FLT1: variants seen among roughly 807,000 people sequenced by gnomAD.
FLT1 encodes vascular endothelial growth factor receptor 1.
In FLT1, 49 loss-of-function variants were observed where a neutral mutation model predicts 156.3. That is an observed-to-expected ratio of 0.31 (90% CI 0.25 to 0.40). The LOEUF is 0.40. FLT1 is among the 10% of genes least tolerant of loss of function. FLT1 has a pLI of 1.00. For missense variants in FLT1, 1,322 were observed against 1,637.2 expected, an observed-to-expected ratio of 0.81 and a Z score of 3.32; for synonymous variants, 594 against 583.8, an observed-to-expected ratio of 1.02 and a Z score of -0.25.
In FLT1 at chr13:28,473,671, A is replaced by AAG. The variant is rs1227557664; in HGVS notation, c.65-6056_65-6055dup. 7.2e-3 allele frequency among the ~76,000 whole-genome samples: 849 copies of AAG among 118,340 alleles called. 10 individuals are homozygous for AAG. Among genetic ancestry groups the AAG allele is most frequent in the East Asian group, 0.013 (57 of 4,388 alleles). 77.6% of individuals were successfully genotyped at this position (118,340 alleles called of 152,430 possible). ...AAAGAAAGAAAGAAAGAAAGAAAGA[A>AAG]AGAGAGAGAGAGAGAGAGAGAGAAA... is the stretch of plus-strand genomic sequence containing the variant. On this transcript the variant is annotated intron_variant, in intron 1 of 29. Transcript: ENST00000282397.
chr13:28,329,768 T>G lies in FLT1; in HGVS notation c.2594-40A>C, dbSNP rs751953822. The G allele has an allele frequency of 6.6e-6, 10 of 1,519,428 alleles. No individual in the cohort carries two copies. In the Admixed American group the frequency reaches 6.8e-5, roughly 10 times the overall value. 94.1% of individuals were successfully genotyped at this position (1,519,428 alleles called of 1,614,324 possible). ...AGGAAGAGTCAGGGCGACAGGACAATGGGGCTCCTTCCGCCGGAGGCGGCA... is the reference window on the plus strand; with the variant it reads ...AGGAAGAGTCAGGGCGACAGGACAAGGGGGCTCCTTCCGCCGGAGGCGGCA... On this transcript the variant is annotated intron_variant, in intron 18 of 29. Coordinates refer to ENST00000282397, the MANE Select transcript of FLT1 (RefSeq NM_002019.4).
chr13:28,494,612 G>C (rs1238038026), intron 1 of FLT1, among the ~76,000 whole-genome samples, 168 bp downstream of exon 1: 1 of 152,144 alleles, frequency 6.6e-6, no homozygotes, highest in Admixed American at 6.5e-5. Context: ...GGGCGCAGCG[G>C]CCCCAAGCGT....
In FLT1 at chr13:28,412,381, T is replaced by TTTCCTTCC. The variant is rs771570277; in HGVS notation, c.1437-6488_1437-6487insGGAAGGAA. 4.0e-3 allele frequency among the ~76,000 whole-genome samples: 355 copies of TTTCCTTCC among 88,288 alleles called. 10 individuals are homozygous for TTTCCTTCC. Among genetic ancestry groups the TTTCCTTCC allele is most frequent in the African/African-American group, 0.013 (341 of 26,528 alleles). 57.9% of individuals were successfully genotyped at this position (88,288 alleles called of 152,430 possible). On this transcript the variant is annotated intron_variant, in intron 10 of 29. Transcript: ENST00000282397. ...CTTTCTTTCTTTCTTTCTTTCTTTCTTTCTTTCTTTCTTTCTTTCTTTCTT... is the reference window on the plus strand; with the variant it reads ...CTTTCTTTCTTTCTTTCTTTCTTTCTTTCCTTCCTTCTTTCTTTCTTTCTTTCTTTCTT...
chr13:28,406,912 G>A (rs1875838252), intron 10 of FLT1, among the ~76,000 whole-genome samples: 1 of 152,204 alleles, frequency 6.6e-6, no homozygotes, highest in African/African-American at 2.4e-5. Context: ...GGGGAAGACA[G>A]AAGGGAATGT....
chr13:28,452,711 C>T (rs947785008), intron 3 of FLT1, among the ~76,000 whole-genome samples: 1 of 152,080 alleles, frequency 6.6e-6, no homozygotes, highest in African/African-American at 2.4e-5. Flanking sequence ...GAGACTGTCA[C>T]TCATGTCTCC....
intron 14 of FLT1, among the ~76,000 whole-genome samples, chr13:28,373,177 TG>T (rs1190256056): frequency 2.2e-4 from 34 of 152,008 alleles, no homozygotes; most frequent in Admixed American, 2.2e-3. Context: ...CGTGTGGAGG[TG>T]GGGGAGGGAA....
At chr13:28,370,229 C>T (rs1043445619) in intron 14 of FLT1, among the ~76,000 whole-genome samples, 10 of 151,910 alleles carry the variant, frequency 6.6e-5, no homozygotes, top group Admixed American at 2.0e-4. Flanking sequence ...TCACTGTAAC[C>T]TCTGAATAAG....
At chr13:28,335,359 C>A (rs889558529) in intron 17 of FLT1, among the ~76,000 whole-genome samples, 1 of 152,134 alleles carries the variant, frequency 6.6e-6, no homozygotes, top group Non-Finnish European at 1.5e-5. Context: ...TTCTTAGACC[C>A]GTCTGATAAT....
At chr13:28,392,355 C>T (rs1593738643) in intron 12 of FLT1, among the ~76,000 whole-genome samples, 1 of 152,180 alleles carries the variant, frequency 6.6e-6, no homozygotes, top group South Asian at 2.1e-4. Context: ...GAAATAGTTG[C>T]TCTAATTCAG....
At chr13:28,318,914 T>C (rs1871319505) in intron 24 of FLT1, among the ~76,000 whole-genome samples, 1 of 152,206 alleles carries the variant, frequency 6.6e-6, no homozygotes, top group African/African-American at 2.4e-5. Context: ...TTGCTTATCC[T>C]GTATAAACCA....
rs185843560 is a variant in FLT1 at position 28,457,957 on chromosome 13, T to C, written c.388+8946A>G. On this transcript the variant is annotated intron_variant, in intron 3 of 29. Coordinates refer to ENST00000282397, the MANE Select transcript of FLT1 (RefSeq NM_002019.4). ...TCTTTTTTTTTTTTTTTTTTTGTGA[T>C]GGAGTCTTGCTCTATCGCCCAGGCT... 8.7e-3 allele frequency among the ~76,000 whole-genome samples: 1,237 copies of C among 141,440 alleles called. 24 individuals carry two copies. The highest frequency in any genetic ancestry group is 0.031 in the African/African-American group (1,159 of 37,534). The allele number at this position is 141,440 out of a possible 152,430, so 92.8% of individuals were successfully genotyped here. A position where few individuals can be genotyped will look rare whatever the true frequency, so the allele number is the denominator to read the frequency against.
chr13:28,404,463 A>G (rs1420384015), intron 11 of FLT1, among the ~76,000 whole-genome samples: 1 of 152,264 alleles, frequency 6.6e-6, no homozygotes, highest in Non-Finnish European at 1.5e-5. Flanking sequence ...CCAAAGAATG[A>G]TGGTGACATT....
intron 3 of FLT1, among the ~76,000 whole-genome samples, chr13:28,453,199 C>T (rs1237807053): frequency 6.7e-6 from 1 of 150,358 alleles, no homozygotes; most frequent in Non-Finnish European, 1.5e-5. Context: ...TCTCAGCTCA[C>T]TGCAAGCTTT....
intron 20 of FLT1, among the ~76,000 whole-genome samples, chr13:28,326,671 G>A (rs563614131): frequency 2.6e-5 from 4 of 151,794 alleles, no homozygotes; most frequent in East Asian, 3.9e-4. Flanking sequence ...GATTACAGGC[G>A]CGGGCCACCA....
At chr13:28,476,900 G>A (rs1458523969) in intron 1 of FLT1, among the ~76,000 whole-genome samples, 4 of 149,144 alleles carry the variant, frequency 2.7e-5, no homozygotes, top group African/African-American at 5.2e-5. Context: ...CTCATAGATA[G>A]GTTTTGTAGC....
intron 3 of FLT1, among the ~76,000 whole-genome samples, chr13:28,454,295 G>A (rs955734667): frequency 1.3e-5 from 2 of 152,074 alleles, no homozygotes; most frequent in Non-Finnish European, 2.9e-5. Context: ...TCTCCTAATA[G>A]CCCCTGAAGT....
chr13:28,447,511 C>A (rs79528420), intron 3 of FLT1, among the ~76,000 whole-genome samples: 2,741 of 152,042 alleles, frequency 0.018, 88 homozygotes, highest in African/African-American at 0.063. Context: ...CAGAAGAAAC[C>A]AGAGGTAAAT....
intron 3 of FLT1, among the ~76,000 whole-genome samples, chr13:28,444,251 G>A (rs1202925222): frequency 6.6e-6 from 1 of 152,134 alleles, no homozygotes; most frequent in Non-Finnish European, 1.5e-5. Flanking sequence ...AGACCAGCCT[G>A]GTCAACATGG....
chr13:28,397,374 G>A (rs1019645321), intron 11 of FLT1, among the ~76,000 whole-genome samples: 1 of 152,098 alleles, frequency 6.6e-6, no homozygotes, highest in Non-Finnish European at 1.5e-5. Flanking sequence ...GGGACTGCAC[G>A]TCCTACCCTA....
Sources: gnomAD v4.1 joint callset for allele counts (sites outside exome capture counted in the v4.1 genomes callset) on GRCh38, gnomAD v4.1.1 for gene constraint, MANE v1.5 for transcripts, NCBI Gene and HGNC (gene_info 2026-07-23, HGNC 2026-07-21) for gene names.